The following PCDHA6 variants were observed in gnomAD, a reference collection of about 807,000 sequenced individuals.
The protein encoded by PCDHA6 is protocadherin alpha 6, also known as protocadherin alpha-6.
In PCDHA6, 55 loss-of-function variants were observed where a neutral mutation model predicts 60.3. That is an observed-to-expected ratio of 0.91 (90% confidence interval 0.73 to 1.14). The LOEUF is 1.14. PCDHA6 is among the 50% of genes most tolerant of loss of function. The pLI, the probability that PCDHA6 is intolerant of heterozygous loss-of-function variation, is 0.00. For missense variants in PCDHA6, 1,327 were observed against 1,256.5 expected, an observed-to-expected ratio of 1.06 and a Z score of -0.85; for synonymous variants, 652 against 557.9, an observed-to-expected ratio of 1.17 and a Z score of -2.38.
rs538135807 is a variant in PCDHA6, at chr5:140,873,663, T to C, written c.2394+43178T>C. On this transcript the variant is annotated intron_variant, in intron 1 of 3. Transcript: ENST00000529310. ...GTGAGAACTACATAACACACTATTA[T>C]TATTTGTTTCTTTTTGAGATAGAGT... Among the ~76,000 whole-genome samples the C allele has an allele frequency of 3.3e-5, 5 of 152,342 alleles. No individual in the cohort carries two copies. In the South Asian group the frequency reaches 1.0e-3, roughly 32 times the overall value.
intron 3 of PCDHA6, among the ~76,000 whole-genome samples, chr5:141,000,389 CTCTCTCTATATA>C (rs1270729414): frequency 5.3e-4 from 33 of 62,572 alleles, no homozygotes; most frequent in African/African-American, 2.0e-3. Context: ...CTCTCTCTCT[CTCTCTCTATATA>C]TATATATATA....
intron 1 of PCDHA6, chr5:140,882,358 G>T (rs1554173779): frequency 3.7e-6 from 6 of 1,614,232 alleles, no homozygotes; most frequent in Middle Eastern, 1.7e-4. Flanking sequence ...GTAGTGGCCA[G>T]CTCCACTACT....
intron 1 of PCDHA6, chr5:140,869,469 G>C (rs781981842): frequency 6.2e-6 from 10 of 1,614,092 alleles, no homozygotes; most frequent in Admixed American, 1.7e-5. Flanking sequence ...TGAACGTGGA[G>C]GTGAAGGACA....
chr5:140,953,607 G>A (rs1040886184), intron 1 of PCDHA6, among the ~76,000 whole-genome samples: 21 of 152,152 alleles, frequency 1.4e-4, no homozygotes, highest in African/African-American at 4.8e-4. Flanking sequence ...ATTCCCCAGA[G>A]TCCTTAGATA....
chr5:140,940,073 A>G (rs1197351000), intron 1 of PCDHA6, among the ~76,000 whole-genome samples: 1 of 152,182 alleles, frequency 6.6e-6, no homozygotes, highest in Non-Finnish European at 1.5e-5. Context: ...AATATGTGAT[A>G]TCTTTCTGCT....
rs2150169385 is a variant in PCDHA6 at position 140,829,525 on chromosome 5, T to G, written c.1434T>G (p.Ser478=). The change falls in exon 1 of 4, where the codon TCT becomes TCG. Residue 478 remains serine, a synonymous_variant. Transcript: ENST00000529310. ...CGGGCTGCCACATCTTCACGGTGTC[T>G]GCGCGAGACGCGGACGCGCAGGAGA... The part of the protein sequence containing the change: ...NPPGCHIFTV[S]ARDADAQENA... The G allele has an allele frequency of 6.2e-7, 1 of 1,613,356 alleles. No individual in the cohort carries two copies. Among genetic ancestry groups the G allele is most frequent in the East Asian group, 2.2e-5 (1 of 44,886 alleles).
At chr5:140,851,144 T>C in intron 1 of PCDHA6, 1 of 1,310,570 alleles carries the variant, frequency 7.6e-7, no homozygotes, top group Non-Finnish European at 9.9e-7. Context: ...TAAAGTGACA[T>C]TGAATTTCTG....
chr5:140,868,134 T>C (rs1562613374), intron 1 of PCDHA6: 1 of 152,142 alleles, frequency 6.6e-6, no homozygotes, highest in Admixed American at 6.5e-5. Context: ...ATTTCTGTCA[T>C]ATCATTGATT....
rs2150329918 is a variant in PCDHA6, at chr5:140,842,127, C to G, written c.2394+11642C>G. 7.9e-5 allele frequency: 127 copies of G among 1,612,886 alleles called. 5 individuals carry two copies. The South Asian group carries it at 8.9e-4, about 11-fold the overall frequency. ...GTTATCAAACTGAATGCTTCTGATC[C>G]GGATGAAGGAGCCAATGGGGCAATT... On this transcript the variant is annotated intron_variant, in intron 1 of 3. Coordinates refer to ENST00000529310, the MANE Select transcript of PCDHA6 (RefSeq NM_018909.4).
chr5:140,836,008 T>C (rs2150250526), intron 1 of PCDHA6: 4 of 1,613,236 alleles, frequency 2.5e-6, no homozygotes, highest in Non-Finnish European at 3.4e-6. Flanking sequence ...GATGCGGGCG[T>C]GCCGCCTCTG....
rs2150240382 is a variant in PCDHA6, at chr5:140,835,640, C to A, written c.2394+5155C>A. On this transcript the variant is annotated intron_variant, in intron 1 of 3. Transcript: ENST00000529310. ...GCGCTCTGGACCGCGAGAGTGTGTC[C>A]GCCTATGAGCTGGTGGTTACCGCGC... The A allele has an allele frequency of 2.4e-5, 38 of 1,613,888 alleles. 2 individuals are homozygous for A. The highest frequency in any genetic ancestry group is 3.2e-5 in the Non-Finnish European group (38 of 1,179,872).
intron 1 of PCDHA6, among the ~76,000 whole-genome samples, chr5:140,897,305 G>T (rs952231570): frequency 6.6e-6 from 1 of 150,594 alleles, no homozygotes; most frequent in Non-Finnish European, 1.5e-5. Context: ...TTAGCATTAG[G>T]TATATCTCCT....
chr5:140,914,758 C>T (rs1435498037), intron 1 of PCDHA6, among the ~76,000 whole-genome samples: 3 of 151,912 alleles, frequency 2.0e-5, no homozygotes, highest in Non-Finnish European at 4.4e-5. Context: ...TTTGAGGTTA[C>T]ATGAGGTTTA....
In PCDHA6 at chr5:140,857,548, G is replaced by C. The variant is rs782667639; in HGVS notation, c.2394+27063G>C. Reference sequence around the variant, plus strand: ...CTCTGGTGGAGCGGCGGTTGGGCGAGCGCTCGCTGTCGAGCTACGTGTCGG... The same window carrying C: ...CTCTGGTGGAGCGGCGGTTGGGCGACCGCTCGCTGTCGAGCTACGTGTCGG... On this transcript the variant is annotated intron_variant, in intron 1 of 3. Coordinates refer to ENST00000529310, the MANE Select transcript of PCDHA6 (RefSeq NM_018909.4). The C allele has an allele frequency of 5.1e-5, 81 of 1,596,888 alleles. 3 individuals are homozygous for C. In the Middle Eastern group the frequency reaches 9.5e-4, roughly 19 times the overall value.
At chr5:140,869,631 G>A in intron 1 of PCDHA6, 1 of 1,613,652 alleles carries the variant, frequency 6.2e-7, no homozygotes, top group Non-Finnish European at 8.5e-7. Context: ...GTAAAAATGA[G>A]TATTTTTCTT....
chr5:141,009,557 C>T (rs782135260), intron 3 of PCDHA6, 70 bp from the exon 4 acceptor site: 38 of 1,565,272 alleles, frequency 2.4e-5, no homozygotes, highest in Non-Finnish European at 2.8e-5. Flanking sequence ...TACTCCTGTA[C>T]TCTACCAGCA....
At chr5:140,871,314 G>C (rs199741530) in intron 1 of PCDHA6, 3 of 1,614,048 alleles carry the variant, frequency 1.9e-6, no homozygotes, top group Admixed American at 3.3e-5. Flanking sequence ...GGAAGCCCAC[G>C]CTGGTGTGCT....
chr5:140,959,141 C>G (rs936183508), intron 1 of PCDHA6, among the ~76,000 whole-genome samples: 1 of 151,924 alleles, frequency 6.6e-6, no homozygotes, highest in Admixed American at 6.6e-5. Context: ...CTTTGGGAGG[C>G]CAAAGTGGGC....
intron 3 of PCDHA6, among the ~76,000 whole-genome samples, chr5:140,988,382 T>C (rs2097295449): frequency 6.6e-6 from 1 of 152,148 alleles, no homozygotes; most frequent in African/African-American, 2.4e-5. Flanking sequence ...TGAAACTCAT[T>C]GTGTTTGCCA....
Sources: allele counts gnomAD v4.1 joint callset (sites outside exome capture counted in the v4.1 genomes callset), GRCh38; gene constraint gnomAD v4.1.1; transcripts MANE v1.5; gene names NCBI Gene and HGNC (gene_info 2026-07-23, HGNC 2026-07-21).